The following TARBP1 variants were observed in gnomAD, a reference collection of about 807,000 sequenced individuals.
TARBP1 encodes the protein tRNA (guanosine(18)-2'-O)-methyltransferase TARBP1.
In TARBP1, 144 loss-of-function variants were observed where a neutral mutation model predicts 178.6. The observed-to-expected ratio is 0.81, with a 90% confidence interval of 0.70 to 0.93. The LOEUF is 0.93. Among genes scored for constraint, TARBP1 ranks in the 40% least tolerant of loss-of-function variants. The pLI is 0.00. For synonymous variants in TARBP1, 787 were observed against 781.0 expected (o/e 1.01, Z -0.13); for missense variants, 2,067 against 2,011.7 (o/e 1.03, Z -0.53).
At chr1:234,439,623 C>T (rs1286340557) in intron 12 of TARBP1, among the ~76,000 whole-genome samples, 3 of 152,102 alleles carry the variant, frequency 2.0e-5, no homozygotes, top group Non-Finnish European at 4.4e-5. Context: ...GTCAAGAGTT[C>T]GAGACTAACA....
At chr1:234,423,434 C>A (rs1663338296) in intron 20 of TARBP1, among the ~76,000 whole-genome samples, 1 of 151,812 alleles carries the variant, frequency 6.6e-6, no homozygotes, top group Non-Finnish European at 1.5e-5. Flanking sequence ...CCAGGAACGA[C>A]CCCTGTTATT....
In TARBP1 at chr1:234,448,521, G is replaced by C; in HGVS notation, c.1920C>G (p.Val640=). 6.2e-7 allele frequency: 1 copy of C among 1,613,958 alleles called. No homozygotes were observed. The highest frequency in any genetic ancestry group is 8.5e-7 in the Non-Finnish European group (1 of 1,179,990). The change falls in exon 11 of 30, where the codon GTC becomes GTG. Residue 640 remains valine (V), a synonymous_variant. Coordinates refer to ENST00000040877, the MANE Select transcript of TARBP1 (RefSeq NM_005646.4). ...TTCCTTCCACATCCACAGCCAGCAAGACCATCAGAGAAACAAGCTTGGCTT... is the reference window on the plus strand; with the variant it reads ...TTCCTTCCACATCCACAGCCAGCAACACCATCAGAGAAACAAGCTTGGCTT... The part of the protein sequence containing the change: ...WFEAKLVSLM[V]LLAVDVEGMK...
chr1:234,466,102 C>T (rs1390647463), intron 4 of TARBP1, among the ~76,000 whole-genome samples: 6 of 152,060 alleles, frequency 3.9e-5, no homozygotes, highest in Non-Finnish European at 8.8e-5. Flanking sequence ...AAATTATACT[C>T]AAAAATTACT....
chr1:234,475,849 C>G (rs1669523599), intron 1 of TARBP1, among the ~76,000 whole-genome samples: 1 of 152,240 alleles, frequency 6.6e-6, no homozygotes, highest in Non-Finnish European at 1.5e-5. Flanking sequence ...CAGGCTTCAG[C>G]TAAGCAAGTA....
At chr1:234,395,358 G>A (rs923921758) in intron 26 of TARBP1, among the ~76,000 whole-genome samples, 2 of 152,182 alleles carry the variant, frequency 1.3e-5, no homozygotes, top group African/African-American at 4.8e-5. Context: ...AAACCATTAA[G>A]GGGCTTTTGT....
chr1:234,444,138 C>T (rs756109571), intron 12 of TARBP1, among the ~76,000 whole-genome samples: 21 of 152,056 alleles, frequency 1.4e-4, no homozygotes, highest in Non-Finnish European at 2.6e-4. Flanking sequence ...ACTATCTATG[C>T]ATAAAACTAA....
intron 6 of TARBP1, among the ~76,000 whole-genome samples, chr1:234,460,744 A>G (rs1184478968): frequency 6.6e-6 from 1 of 152,232 alleles, no homozygotes; most frequent in Non-Finnish European, 1.5e-5. Context: ...TTGTACATGA[A>G]CATTCATAAC....
At chr1:234,447,151 C>G (rs16843189) in intron 11 of TARBP1, among the ~76,000 whole-genome samples, 176 bp from the exon 12 acceptor site, 46,666 of 151,782 alleles carry the variant, frequency 0.31, 7,410 homozygotes, top group Admixed American at 0.41. Flanking sequence ...CGTGCTTTCC[C>G]GTGAGGGTGG....
intron 15 of TARBP1, 21 bp from the exon 16 acceptor site, chr1:234,429,698 A>T: frequency 6.5e-7 from 1 of 1,547,984 alleles, no homozygotes; most frequent in Non-Finnish European, 8.7e-7. Context: ...AAATAAAGTT[A>T]CTAGGCCATA....
At position 234,459,310 on chromosome 1, in the gene TARBP1, T is replaced by C. The variant is rs1307211877; in HGVS notation, c.1552A>G (p.Thr518Ala). ...AGGAGAATCTGATGTGTGATCATAG[T>C]GCAATGAATAACATCCCTGACATCG... is the stretch of plus-strand genomic sequence containing the variant. ...LLALRDVIHCTMITHQILLRG... is the reference protein window; with the variant it reads ...LLALRDVIHCAMITHQILLRG... Residue 518 changes from threonine (T) to alanine (A), a missense_variant, in exon 8 of 30, where the codon ACT (threonine) becomes GCT (alanine). Coordinates refer to ENST00000040877, the MANE Select transcript of TARBP1 (RefSeq NM_005646.4). The C allele has an allele frequency of 2.5e-6, 4 of 1,610,954 alleles. No individual in the cohort carries two copies. The Admixed American group carries it at 5.1e-5, about 20-fold the overall frequency.
In TARBP1 at chr1:234,471,222, G is replaced by A; in HGVS notation, c.1065C>T (p.Asn355=). Residue 355 remains asparagine, a synonymous_variant, in exon 3 of 30, where the codon AAC becomes AAT. Transcript: ENST00000040877. The part of the protein sequence containing the change: ...HVIKPVLPKL[N]NLFEYAVSEE... Reference sequence around the variant, plus strand: ...CTGACACCGCATATTCAAACAGATTGTTTAGCTTTGGTAAAACTGGCTTTA... The same window carrying A: ...CTGACACCGCATATTCAAACAGATTATTTAGCTTTGGTAAAACTGGCTTTA... 2 of 1,600,076 alleles carry A rather than the reference G, an allele frequency of 1.2e-6. No individual in the cohort carries two copies. Among genetic ancestry groups the A allele is most frequent in the Non-Finnish European group, 1.7e-6 (2 of 1,176,070 alleles).
At chr1:234,408,315 T>A (rs1299223006) in intron 23 of TARBP1, among the ~76,000 whole-genome samples, 1 of 152,180 alleles carries the variant, frequency 6.6e-6, no homozygotes, top group Non-Finnish European at 1.5e-5. Flanking sequence ...CCATCTTGCT[T>A]CTAACCTCCA....
Position 234,448,598 on chromosome 1 carries a change from AG to A in TARBP1, c.1862-20del. 1 of 1,600,598 alleles carries A rather than the reference AG, an allele frequency of 6.2e-7. No individual in the cohort carries two copies. Among genetic ancestry groups the A allele is most frequent in the Non-Finnish European group, 8.6e-7 (1 of 1,168,560 alleles). On this transcript the variant is annotated intron_variant, in intron 10 of 29. Coordinates refer to ENST00000040877, the MANE Select transcript of TARBP1 (RefSeq NM_005646.4). ...TCTCCTGCTTAAATAACAACAGTTA[AG>A]GTTTGCAAAGCATTAACAAAATCCT... is the stretch of plus-strand genomic sequence containing the variant.
At chr1:234,460,196 A>G in intron 7 of TARBP1, 65 bp downstream of exon 7, 1 of 1,497,416 alleles carries the variant, frequency 6.7e-7, no homozygotes, top group Non-Finnish European at 8.9e-7. Context: ...GCAGAGGAGA[A>G]AATATATATA....
chr1:234,426,048 A>C (rs942009706), intron 19 of TARBP1, among the ~76,000 whole-genome samples: 4 of 152,262 alleles, frequency 2.6e-5, no homozygotes, highest in African/African-American at 9.6e-5. Context: ...GAATCAATGC[A>C]CACGCTGCTG....
At position 234,460,258 on chromosome 1, in the gene TARBP1, T is replaced by C. The variant is rs759475499; in HGVS notation, c.1535+3A>G. 2.5e-6 allele frequency: 4 copies of C among 1,612,284 alleles called. No individual in the cohort carries two copies. Among genetic ancestry groups the C allele is most frequent in the Admixed American group, 3.4e-5 (2 of 59,622 alleles). On this transcript the variant is annotated splice_donor_region_variant and intron_variant, in intron 7 of 29. Transcript: ENST00000040877. ...ATACAAGTACATATACAGAGTAAAT[T>C]ACCTGAGAGCAAGAAGCCCATCTAT...
chr1:234,476,116 T>A (rs1007738559), intron 1 of TARBP1, among the ~76,000 whole-genome samples: 1 of 152,144 alleles, frequency 6.6e-6, no homozygotes, highest in East Asian at 1.9e-4. Flanking sequence ...ATAACTATAA[T>A]TGATATGCTA....
chr1:234,392,608 G>C (rs1038208435), intron 28 of TARBP1, 56 bp from the exon 29 acceptor site: 48 of 1,514,644 alleles, frequency 3.2e-5, no homozygotes, highest in Non-Finnish European at 4.0e-5. Flanking sequence ...CCTGCTTGGA[G>C]TAAATTAGAG....
At chr1:234,405,753 C>T (rs970929185) in intron 24 of TARBP1, 150 bp downstream of exon 24, 29 of 667,930 alleles carry the variant, frequency 4.3e-5, no homozygotes, top group Middle Eastern at 4.1e-4. Flanking sequence ...AAGTGAGCTG[C>T]TTAGGCCTGG....
Sources: gnomAD v4.1 joint callset for allele counts (sites outside exome capture counted in the v4.1 genomes callset) on GRCh38, gnomAD v4.1.1 for gene constraint, MANE v1.5 for transcripts, NCBI Gene and HGNC (gene_info 2026-07-23, HGNC 2026-07-21) for gene names.